CNNM4: variants seen among roughly 807,000 people sequenced by gnomAD.
The protein encoded by CNNM4 is metal transporter CNNM4.
In CNNM4, 32 loss-of-function variants were observed where a neutral mutation model predicts 53.7. That is an observed-to-expected ratio of 0.60 (90% CI 0.45 to 0.80). CNNM4 has a LOEUF of 0.80. CNNM4 is among the 30% of genes least tolerant of loss of function. The probability of loss-of-function intolerance (pLI) is 0.00; values close to 1 mark genes in which losing one functional copy is unlikely to be tolerated. For synonymous variants in CNNM4, 410 were observed against 440.0 expected (o/e 0.93, Z 0.85); for missense variants, 784 against 1,022.0 (o/e 0.77, Z 3.17).
chr2:96,777,021 CT>C (rs982584057), intron 1 of CNNM4, among the ~76,000 whole-genome samples: 11 of 149,234 alleles, frequency 7.4e-5, no homozygotes, highest in African/African-American at 2.0e-4. Flanking sequence ...TAACTGTTTT[CT>C]TTTTTTTTTG....
intron 1 of CNNM4, among the ~76,000 whole-genome samples, chr2:96,764,483 CT>C (rs199895647): frequency 0.027 from 4,053 of 152,206 alleles, 69 homozygotes; most frequent in Middle Eastern, 0.044. Flanking sequence ...ATAGTCCCCC[CT>C]CTCTACCCAC....
chr2:96,792,980 G>A (rs1028587792), intron 1 of CNNM4, among the ~76,000 whole-genome samples: 32 of 152,112 alleles, frequency 2.1e-4, no homozygotes, highest in African/African-American at 7.0e-4. Context: ...TGGAGGGCAC[G>A]GGAGAGGACA....
chr2:96,809,243 G>C (rs773734515), intron 6 of CNNM4, 77 bp from the exon 7 acceptor site: 1 of 1,591,192 alleles, frequency 6.3e-7, no homozygotes, highest in Non-Finnish European at 8.5e-7. Context: ...CTCAATCCTG[G>C]CCCTGTTTCT....
chr2:96,794,522 C>T (rs1007133164), intron 1 of CNNM4, among the ~76,000 whole-genome samples: 1 of 152,136 alleles, frequency 6.6e-6, no homozygotes, highest in Admixed American at 6.5e-5. Context: ...TTTCGTTCCG[C>T]GCTTTATTCA....
chr2:96,783,025 T>C (rs1370470473), intron 1 of CNNM4, among the ~76,000 whole-genome samples: 3 of 152,086 alleles, frequency 2.0e-5, no homozygotes, highest in Non-Finnish European at 4.4e-5. Flanking sequence ...GGTCAACATG[T>C]GAGACTCTGT....
intron 1 of CNNM4, among the ~76,000 whole-genome samples, chr2:96,787,990 T>G (rs2079029303): frequency 6.6e-6 from 1 of 152,230 alleles, no homozygotes; most frequent in African/African-American, 2.4e-5. Context: ...TAGTGCAATC[T>G]CAACTCACTA....
chr2:96,796,135 T>TC (rs2079101499), intron 1 of CNNM4, among the ~76,000 whole-genome samples: 1 of 116,474 alleles, frequency 8.6e-6, no homozygotes, highest in Non-Finnish European at 1.7e-5. Context: ...CAGGGTCTTT[T>TC]TTTTTTTTTT....
intron 1 of CNNM4, among the ~76,000 whole-genome samples, chr2:96,764,411 C>T (rs1380124190): frequency 1.3e-5 from 2 of 152,196 alleles, no homozygotes; most frequent in Non-Finnish European, 2.9e-5. Context: ...TGGAGCAGTG[C>T]TGGTAAACCC....
chr2:96,764,483 C>A (rs1372737889), intron 1 of CNNM4, among the ~76,000 whole-genome samples: 2 of 152,128 alleles, frequency 1.3e-5, no homozygotes, highest in South Asian at 4.1e-4. Flanking sequence ...ATAGTCCCCC[C>A]TCTCTACCCA....
At chr2:96,783,623 G>T (rs1204693576) in intron 1 of CNNM4, among the ~76,000 whole-genome samples, 1 of 152,202 alleles carries the variant, frequency 6.6e-6, no homozygotes, top group Non-Finnish European at 1.5e-5. Flanking sequence ...CTTCTAGGAA[G>T]CATTAAGTCT....
At chr2:96,782,443 T>C (rs2078982934) in intron 1 of CNNM4, among the ~76,000 whole-genome samples, 1 of 152,166 alleles carries the variant, frequency 6.6e-6, no homozygotes, top group Admixed American at 6.5e-5. Flanking sequence ...TTGGCATTTA[T>C]GCTCATGAGA....
chr2:96,801,258 T>C lies in CNNM4; in HGVS notation c.1948+1610T>C. On this transcript the variant is annotated intron_variant, in intron 5 of 6. Transcript: ENST00000377075. This position sits in a 1 kb window ranked among gnomAD's most constrained non-coding sequence, Gnocchi z 5.6. The stretch of plus-strand genomic sequence containing the variant: ...CTCAATGTGGGCCGCCAGACCTCAG[T>C]GGCTCTGCTTGGCTGGGGCCCAATT... The C allele has an allele frequency of 2.4e-6, 1 of 411,822 alleles. No homozygotes were observed. The highest frequency in any genetic ancestry group is 3.3e-6 in the Non-Finnish European group (1 of 305,624). The allele number at this position is 411,822 out of a possible 1,614,324, so 25.5% of individuals were successfully genotyped here. A position where few individuals can be genotyped will look rare whatever the true frequency, so the allele number is the denominator to read the frequency against.
chr2:96,797,784 A>T lies in CNNM4; in HGVS notation c.1681+137A>T. On this transcript the variant is annotated intron_variant, in intron 3 of 6. Coordinates refer to ENST00000377075, the MANE Select transcript of CNNM4 (RefSeq NM_020184.4). The surrounding 1 kb of genome is among the most constrained non-coding windows in gnomAD (Gnocchi z 6.0). ...GCAGAGACAACACAGCCACCCCTGG[A>T]AGGGGCCGGGTATCTGCTCCACCCC... is the stretch of plus-strand genomic sequence containing the variant. 8.3e-7 allele frequency: 1 copy of T among 1,205,570 alleles called. No homozygotes were observed. The highest frequency in any genetic ancestry group is 1.3e-5 in the South Asian group (1 of 77,546). The allele number at this position is 1,205,570 out of a possible 1,614,324, so 74.7% of individuals were successfully genotyped here.
intron 4 of CNNM4, 124 bp from the exon 5 acceptor site, chr2:96,799,428 C>T (rs1011585358): frequency 1.1e-4 from 123 of 1,110,954 alleles, no homozygotes; most frequent in Admixed American, 1.0e-3. Context: ...CCCCTGAGCT[C>T]TCCAGGGCTC....
At chr2:96,773,312 C>T (rs1056528868) in intron 1 of CNNM4, among the ~76,000 whole-genome samples, 3 of 152,278 alleles carry the variant, frequency 2.0e-5, no homozygotes, top group East Asian at 1.9e-4. Flanking sequence ...TGAGGTAAGG[C>T]GTGCAAGGTG....
Position 96,801,209 on chromosome 2 carries a change from C to T in CNNM4, c.1948+1561C>T. ...CACACTGCAGCTGCATTAACCTCCC[C>T]ACATGGACCCGGACCCCCGCCTGCT... On this transcript the variant is annotated intron_variant, in intron 5 of 6. Coordinates refer to ENST00000377075, the MANE Select transcript of CNNM4 (RefSeq NM_020184.4). This position sits in a 1 kb window ranked among gnomAD's most constrained non-coding sequence, Gnocchi z 5.6. 1.2e-6 allele frequency: 1 copy of T among 813,558 alleles called. No homozygotes were observed. Among genetic ancestry groups the T allele is most frequent in the Non-Finnish European group, 1.5e-6 (1 of 672,804 alleles). The allele number at this position is 813,558 out of a possible 1,614,324, so 50.4% of individuals were successfully genotyped here. A position where few individuals can be genotyped will look rare whatever the true frequency, so the allele number is the denominator to read the frequency against.
Position 96,777,065 on chromosome 2 carries a change from G to A in CNNM4, c.1402+14664G>A, listed in dbSNP as rs182508914. Among the ~76,000 whole-genome samples the A allele has an allele frequency of 3.0e-4, 45 of 150,796 alleles. No homozygotes were observed. The East Asian group carries it at 6.7e-3, about 22-fold the overall frequency. On this transcript the variant is annotated intron_variant, in intron 1 of 6. Coordinates refer to ENST00000377075, the MANE Select transcript of CNNM4 (RefSeq NM_020184.4). The stretch of plus-strand genomic sequence containing the variant: ...GACGGAGTCTCACTCTTGTTGCCCC[G>A]GCTGGAGTGTAATGGCGCAATCTCA...
intron 1 of CNNM4, among the ~76,000 whole-genome samples, chr2:96,762,848 AC>A (rs950820227): frequency 2.2e-4 from 34 of 151,862 alleles, no homozygotes; most frequent in African/African-American, 7.7e-4. Flanking sequence ...GGCAGAGGGA[AC>A]CCCGCAAGCA....
rs1290965166 is a variant in CNNM4, at chr2:96,797,226, AAGGGCCATAGTGC to A, written c.1546+76_1546+88del. ...ATCGAAACTTGGTGTCCCTAGCTGGAAGGGCCATAGTGCAGGGACACAGGAGGCCTAGCATCCA... is the reference window on the plus strand; with the variant it reads ...ATCGAAACTTGGTGTCCCTAGCTGGAAGGGACACAGGAGGCCTAGCATCCA... On this transcript the variant is annotated intron_variant, in intron 2 of 6. Transcript: ENST00000377075. This position sits in a 1 kb window ranked among gnomAD's most constrained non-coding sequence, Gnocchi z 6.0. The A allele has an allele frequency of 6.3e-7, 1 of 1,599,266 alleles. No homozygotes were observed. Among genetic ancestry groups the A allele is most frequent in the East Asian group, 2.2e-5 (1 of 44,822 alleles).
Sources: allele counts gnomAD v4.1 joint callset (sites outside exome capture counted in the v4.1 genomes callset), GRCh38; gene constraint gnomAD v4.1.1; non-coding constraint Gnocchi (gnomAD v3.1); transcripts MANE v1.5; gene names NCBI Gene and HGNC (gene_info 2026-07-23, HGNC 2026-07-21).